ZNF253: variants seen among roughly 807,000 people sequenced by gnomAD.
ZNF253 encodes zinc finger protein 253, also known as DNA-binding protein.
ZNF253 carries 8 observed loss-of-function variants against 11.9 expected under a neutral mutation model. That is an observed-to-expected ratio of 0.67 (90% CI 0.40 to 1.22). ZNF253 has a LOEUF of 1.22. ZNF253 is among the 50% of genes most tolerant of loss of function. The probability of loss-of-function intolerance (pLI) is 0.01; values close to 1 mark genes in which losing one functional copy is unlikely to be tolerated. For synonymous variants in ZNF253, 194 were observed against 194.9 expected (o/e 1.00, Z 0.04); for missense variants, 485 against 586.9 (o/e 0.83, Z 1.79).
At position 19,865,914 on chromosome 19, in the gene ZNF253, T is replaced by C. The variant is rs1274655644; in HGVS notation, c.-83T>C. On this transcript the variant is annotated 5_prime_UTR_variant, in exon 1 of 4. Coordinates refer to ENST00000589717, the MANE Select transcript of ZNF253 (RefSeq NM_021047.3). ...CTCAGTGTTCTGTGTCCTGTGCTTA[T>C]AGAGGCCCGTCCTCTGTGGCCGTGT... 1.9e-6 allele frequency: 3 copies of C among 1,557,714 alleles called. No individual in the cohort carries two copies. The highest frequency in any genetic ancestry group is 1.7e-5 in the Admixed American group (1 of 59,930).
intron 1 of ZNF253, among the ~76,000 whole-genome samples, chr19:19,878,187 A>G (rs1459892919): frequency 2.0e-5 from 3 of 152,192 alleles, no homozygotes; most frequent in East Asian, 3.8e-4. Flanking sequence ...AACTCATTCC[A>G]TATGATGCAA....
chr19:19,874,827 G>C (rs905895234), intron 1 of ZNF253, among the ~76,000 whole-genome samples: 22 of 152,078 alleles, frequency 1.4e-4, no homozygotes, highest in Admixed American at 9.2e-4. Flanking sequence ...CAGGAGAATG[G>C]CGTGAACCCG....
intron 1 of ZNF253, among the ~76,000 whole-genome samples, chr19:19,874,503 G>A (rs542390579): frequency 4.6e-5 from 7 of 152,024 alleles, no homozygotes; most frequent in Non-Finnish European, 7.4e-5. Context: ...CAGCCTGGGC[G>A]ACAGAGCTCC....
intron 1 of ZNF253, among the ~76,000 whole-genome samples, chr19:19,870,105 C>G (rs2063127986): frequency 6.6e-6 from 1 of 151,936 alleles, no homozygotes. Flanking sequence ...TTTAAAAATA[C>G]TACATACATT....
chr19:19,876,317 G>A (rs769452876), intron 1 of ZNF253, among the ~76,000 whole-genome samples: 1 of 142,948 alleles, frequency 7.0e-6, no homozygotes, highest in Non-Finnish European at 1.6e-5. Flanking sequence ...TTTACAGGCA[G>A]TGCTCTCATT....
chr19:19,880,276 T>TC, intron 3 of ZNF253, 130 bp downstream of exon 3: 1 of 363,320 alleles, frequency 2.8e-6, no homozygotes, highest in African/African-American at 2.5e-5. Flanking sequence ...GGCAGCTGTT[T>TC]TTTTTTTTTT....
In ZNF253 at chr19:19,878,544, A is replaced by C. The variant is rs766171578; in HGVS notation, c.67A>C (p.Thr23Pro). Residue 23 changes from threonine to proline, a missense_variant, in exon 2 of 4, where the codon ACT becomes CCT. Transcript: ENST00000589717. The part of the protein sequence containing the change: ...FSLEEWHCLD[T>P]AQRNLYRDVM... ...TCTGGAGGAGTGGCATTGCCTGGAC[A>C]CTGCACAGCGGAATTTATATAGGGA... The C allele has an allele frequency of 6.2e-7, 1 of 1,614,068 alleles. No homozygotes were observed. The highest frequency in any genetic ancestry group is 8.5e-7 in the Non-Finnish European group (1 of 1,179,984).
At chr19:19,880,706 C>CAA (rs555124619) in intron 3 of ZNF253, among the ~76,000 whole-genome samples, 3 of 118,600 alleles carry the variant, frequency 2.5e-5, no homozygotes, top group African/African-American at 9.2e-5. Flanking sequence ...CTCCATCTCA[C>CAA]AAAAAAAAAA....
chr19:19,885,335 TTTCTTTC>T (rs2063200659), intron 3 of ZNF253, among the ~76,000 whole-genome samples: 1 of 73,018 alleles, frequency 1.4e-5, no homozygotes, highest in African/African-American at 1.6e-4. Context: ...TCTTTCTTTC[TTTCTTTC>T]TTTCTTTCTT....
rs1353593952 is a variant in ZNF253, at chr19:19,893,110, T to A, written c.*363T>A. 3.1e-5 allele frequency: 6 copies of A among 193,246 alleles called. No homozygotes were observed. The highest frequency in any genetic ancestry group is 6.4e-5 in the Non-Finnish European group (6 of 94,146). 12.0% of individuals were successfully genotyped at this position (193,246 alleles called of 1,614,324 possible). A position where few individuals can be genotyped will look rare whatever the true frequency, so the allele number is the denominator to read the frequency against. On this transcript the variant is annotated 3_prime_UTR_variant, in exon 4 of 4. Transcript: ENST00000589717. ...CTTCTGCCTCAGCCTCCCAAGTAGCTGGGATTACAGGTGCCCAACACCACG... is the reference window on the plus strand; with the variant it reads ...CTTCTGCCTCAGCCTCCCAAGTAGCAGGGATTACAGGTGCCCAACACCACG...
intron 1 of ZNF253, among the ~76,000 whole-genome samples, chr19:19,869,800 G>T (rs1298818793): frequency 6.6e-6 from 1 of 150,738 alleles, no homozygotes; most frequent in South Asian, 2.1e-4. Flanking sequence ...CTCCCGAGTG[G>T]CTGGGAATAC....
chr19:19,872,580 T>TATATATATATATATATATATATA (rs1555777030), intron 1 of ZNF253, among the ~76,000 whole-genome samples: 26 of 108,344 alleles, frequency 2.4e-4, no homozygotes, highest in African/African-American at 1.3e-3. Context: ...TATATATATA[T>TATATATATATATATATATATATA]TATTATATAT....
Position 19,878,373 on chromosome 19 carries a change from GT to G in ZNF253, c.4-107del, listed in dbSNP as rs2063164030. 8.3e-6 allele frequency: 13 copies of G among 1,574,842 alleles called. No homozygotes were observed. The South Asian group carries it at 1.5e-4, about 18-fold the overall frequency. ...ATATTTTATTGGATAATTTTAGGCA[GT>G]CCTTTGAGTCAGAACCAGTTCTCTT... On this transcript the variant is annotated intron_variant, in intron 1 of 3. Transcript: ENST00000589717.
At chr19:19,866,201 T>C (rs1225452275) in intron 1 of ZNF253, among the ~76,000 whole-genome samples, 1 of 151,906 alleles carries the variant, frequency 6.6e-6, no homozygotes, top group Non-Finnish European at 1.5e-5. Flanking sequence ...GATTGTGCCC[T>C]GGCCTGGAGC....
At chr19:19,878,730 C>A in intron 2 of ZNF253, 123 bp downstream of exon 2, 1 of 1,012,390 alleles carries the variant, frequency 9.9e-7, no homozygotes, top group Non-Finnish European at 1.4e-6. Flanking sequence ...TAAGCCACTG[C>A]GCCTGGCCAT....
At chr19:19,885,217 TTC>T (rs1191448522) in intron 3 of ZNF253, among the ~76,000 whole-genome samples, 7 of 40,804 alleles carry the variant, frequency 1.7e-4, no homozygotes, top group African/African-American at 5.7e-4. Flanking sequence ...TTTTTTTGTA[TTC>T]TTTCTTTCTT....
chr19:19,891,917 G>C lies in ZNF253; in HGVS notation c.670G>C (p.Gly224Arg). The C allele has an allele frequency of 6.2e-7, 1 of 1,613,786 alleles. No homozygotes were observed. Residue 224 changes from glycine to arginine, a missense_variant, in exon 4 of 4, where the codon GGA (glycine) becomes CGA (arginine). By Grantham distance (125) the Gly-to-Arg change is moderately radical. Around this residue, in one of 3 missense-constraint regions of ZNF253, gnomAD observed 218 missense variants for 213.1 expected, o/e 1.02. Coordinates refer to ENST00000589717, the MANE Select transcript of ZNF253 (RefSeq NM_021047.3). Reference protein sequence around the residue: ...NLTTHKRIHTGEKPYRCEECG... With the variant: ...NLTTHKRIHTREKPYRCEECG... ...TACTACACATAAGAGAATTCATACC[G>C]GAGAGAAACCCTACAGATGTGAAGA...
chr19:19,892,631 A>C lies in ZNF253; in HGVS notation c.1384A>C (p.Asn462His), dbSNP rs2063238286. Reference protein sequence around the residue: ...YKCEECGKAFNWSSDLNKHKK... With the variant: ...YKCEECGKAFHWSSDLNKHKK... ...ATGTGAAGAATGTGGCAAAGCTTTT[A>C]ACTGGTCCTCAGACCTTAATAAACA... The change falls in exon 4 of 4, where the codon AAC (asparagine) becomes CAC (histidine). Residue 462 changes from asparagine (N) to histidine (H), a missense_variant. Around this residue, in one of 3 missense-constraint regions of ZNF253, gnomAD observed 232 missense variants for 321.4 expected, o/e 0.72. Coordinates refer to ENST00000589717, the MANE Select transcript of ZNF253 (RefSeq NM_021047.3). The C allele has an allele frequency of 6.2e-7, 1 of 1,614,066 alleles. No individual in the cohort carries two copies.
chr19:19,868,976 G>A (rs1176624612), intron 1 of ZNF253, among the ~76,000 whole-genome samples: 1 of 151,524 alleles, frequency 6.6e-6, no homozygotes, highest in Non-Finnish European at 1.5e-5. Flanking sequence ...TCATTTTCTC[G>A]GGTCCAGATT....
Sources: gnomAD v4.1 joint callset for allele counts (sites outside exome capture counted in the v4.1 genomes callset) on GRCh38, gnomAD v4.1.1 for gene constraint, gnomAD v4.1.1 regional missense constraint, MANE v1.5 for transcripts, NCBI Gene and HGNC (gene_info 2026-07-23, HGNC 2026-07-21) for gene names.